The following SI variants were observed in gnomAD, a reference collection of about 807,000 sequenced individuals.
SI encodes the protein sucrase-isomaltase, intestinal.
Under a neutral mutation model 253.3 loss-of-function variants are expected in SI, and 235 were observed. The ratio of observed to expected loss-of-function variants is 0.93; its 90% CI spans 0.83 to 1.03. The LOEUF is 1.03. Among genes scored for constraint, SI ranks in the 50% least tolerant of loss-of-function variants. SI has a pLI of 0.00. For synonymous variants in SI, 819 were observed against 712.0 expected (o/e 1.15, Z -2.39); for missense variants, 2,442 against 2,211.1 (o/e 1.10, Z -2.09).
rs193236907 is a variant in SI at position 165,024,673 on chromosome 3, G to A, written c.2893-897C>T. 2.8e-3 allele frequency among the ~76,000 whole-genome samples: 417 copies of A among 151,066 alleles called. 3 individuals carry two copies. Among genetic ancestry groups the A allele is most frequent in the African/African-American group, 9.5e-3 (394 of 41,334 alleles). ...CCCTCAATTCTCCACCCTCTCTCTT[G>A]CATCAATAATATTTCATTCATTATG... On this transcript the variant is annotated intron_variant, in intron 25 of 47. Transcript: ENST00000264382.
intron 38 of SI, among the ~76,000 whole-genome samples, chr3:164,997,236 T>C (rs1286741104): frequency 6.6e-6 from 1 of 151,758 alleles, no homozygotes; most frequent in Non-Finnish European, 1.5e-5. Context: ...TAAAATACAA[T>C]GAATATGATT....
intron 12 of SI, among the ~76,000 whole-genome samples, chr3:165,056,430 A>G (rs1713698010): frequency 6.6e-6 from 1 of 152,142 alleles, no homozygotes; most frequent in African/African-American, 2.4e-5. Flanking sequence ...CAAAGAAAGT[A>G]CCTTCCTAAG....
chr3:164,982,491 A>G (rs1044511153), intron 46 of SI, 81 bp from the exon 47 acceptor site: 39 of 983,360 alleles, frequency 4.0e-5, no homozygotes, highest in Non-Finnish European at 5.9e-5. Flanking sequence ...CGGTTAACCA[A>G]AAATGTATTT....
At position 165,070,345 on chromosome 3, in the gene SI, C is replaced by CATATAT. The variant is rs72166578; in HGVS notation, c.256-1156_256-1151dup. 8.3e-4 allele frequency among the ~76,000 whole-genome samples: 116 copies of CATATAT among 139,480 alleles called. 1 individual carries two copies. Among genetic ancestry groups the CATATAT allele is most frequent in the African/African-American group, 3.0e-3 (112 of 37,680 alleles). The allele number at this position is 139,480 out of a possible 152,430, so 91.5% of individuals were successfully genotyped here. A position where few individuals can be genotyped will look rare whatever the true frequency, so the allele number is the denominator to read the frequency against. On this transcript the variant is annotated intron_variant, in intron 3 of 47. Coordinates refer to ENST00000264382, the MANE Select transcript of SI (RefSeq NM_001041.4). ...ATATATATAAAATCTCTCTAAACAC[C>CATATAT]ATATATATATATATATATATGTGTG...
rs1364922864 is a variant in SI, at chr3:165,023,700, T to C, written c.2969A>G (p.Tyr990Cys). The C allele has an allele frequency of 1.9e-6, 3 of 1,610,774 alleles. No homozygotes were observed. Among genetic ancestry groups the C allele is most frequent in the Non-Finnish European group, 2.5e-6 (3 of 1,177,798 alleles). ...GTCAGCTGTTATACCCATGGATGAA[T>C]AGCGAGCTGAGTTGACTGAATAAGA... ...DNSYSVNSAR[Y>C]SSMGITADLQ... The change falls in exon 26 of 48, where the codon TAT becomes TGT. Residue 990 changes from tyrosine (Y) to cysteine (C), a missense_variant. Coordinates refer to ENST00000264382, the MANE Select transcript of SI (RefSeq NM_001041.4).
chr3:165,064,722 T>C (rs924010286), intron 7 of SI, among the ~76,000 whole-genome samples: 6 of 152,090 alleles, frequency 3.9e-5, no homozygotes, highest in Admixed American at 6.6e-5. Flanking sequence ...GAAGTTCTTA[T>C]GAGATAAAAT....
intron 17 of SI, among the ~76,000 whole-genome samples, chr3:165,041,406 C>T (rs1712826472): frequency 6.6e-6 from 1 of 151,864 alleles, no homozygotes; most frequent in Admixed American, 6.6e-5. Context: ...TCCTTGTACC[C>T]ACAGCCTTTA....
chr3:165,024,315 A>G (rs1711787587), intron 25 of SI, among the ~76,000 whole-genome samples: 1 of 151,396 alleles, frequency 6.6e-6, no homozygotes, highest in Non-Finnish European at 1.5e-5. Context: ...GGTTTAACAT[A>G]GAAGTGAGAG....
intron 34 of SI, among the ~76,000 whole-genome samples, chr3:165,011,758 T>C (rs1264519474): frequency 6.7e-6 from 1 of 148,692 alleles, no homozygotes; most frequent in Non-Finnish European, 1.5e-5. Flanking sequence ...TCATTATTGT[T>C]ATTATTTATT....
chr3:165,003,265 T>C (rs1477966767), intron 37 of SI, among the ~76,000 whole-genome samples: 2 of 151,968 alleles, frequency 1.3e-5, no homozygotes, highest in Non-Finnish European at 2.9e-5. Flanking sequence ...TTAAGCTACA[T>C]ACTTTCAACT....
At chr3:165,001,415 A>G (rs1576877812) in intron 37 of SI, among the ~76,000 whole-genome samples, 1 of 151,668 alleles carries the variant, frequency 6.6e-6, no homozygotes, top group East Asian at 1.9e-4. Context: ...CATTTCAAAT[A>G]GTCACCATTA....
chr3:164,982,518 G>T (rs570560025), intron 46 of SI, 108 bp from the exon 47 acceptor site: 4 of 796,614 alleles, frequency 5.0e-6, no homozygotes, highest in African/African-American at 1.7e-5. Flanking sequence ...ATAATAAATT[G>T]TTTATTTGTG....
intron 15 of SI, among the ~76,000 whole-genome samples, chr3:165,047,966 T>G: frequency 6.6e-6 from 1 of 152,220 alleles, no homozygotes; most frequent in East Asian, 1.9e-4. Context: ...AACTACATTC[T>G]CAAGTGCTTT....
chr3:164,982,558 A>T lies in SI; in HGVS notation c.5248-148T>A, dbSNP rs1717242390. 9.0e-6 allele frequency: 6 copies of T among 663,584 alleles called. No individual in the cohort carries two copies. In the East Asian group the frequency reaches 1.7e-4, roughly 18 times the overall value. The allele number at this position is 663,584 out of a possible 1,614,324, so 41.1% of individuals were successfully genotyped here. On this transcript the variant is annotated intron_variant, in intron 46 of 47. Transcript: ENST00000264382. ...TGATATAAGGTATTTTACATAATAA[A>T]CATGAATAAAACTTCAAATTTTCTT... is the stretch of plus-strand genomic sequence containing the variant.
At chr3:165,068,244 G>T (rs1714361953) in intron 5 of SI, among the ~76,000 whole-genome samples, 1 of 151,960 alleles carries the variant, frequency 6.6e-6, no homozygotes, top group Non-Finnish European at 1.5e-5. Context: ...TTTTCTTCAA[G>T]GCATTAAGCT....
At position 165,036,504 on chromosome 3, in the gene SI, T is replaced by C. The variant is rs147718406; in HGVS notation, c.2427-27A>G. The C allele has an allele frequency of 8.7e-5, 130 of 1,487,372 alleles. No individual in the cohort carries two copies. The African/African-American group carries it at 1.7e-3, about 20-fold the overall frequency. The allele number at this position is 1,487,372 out of a possible 1,614,324, so 92.1% of individuals were successfully genotyped here. ...TGTTAAGAAAAATTAGGTGCATATA[T>C]GGTTAAAAATAAATCCATAATAATA... On this transcript the variant is annotated intron_variant, in intron 21 of 47. Transcript: ENST00000264382.
chr3:165,060,885 G>T (rs899098729), intron 9 of SI, among the ~76,000 whole-genome samples: 1 of 143,966 alleles, frequency 6.9e-6, no homozygotes, highest in Admixed American at 7.1e-5. Context: ...ATATATATAG[G>T]ATCCATGATT....
rs1360117024 is a variant in SI, at chr3:164,978,963, A to C, written c.*399T>G. ...CATACTAAGAAGTAATTAAATCTTC[A>C]AATAATTGTTGTTACATATCTTAAA... On this transcript the variant is annotated 3_prime_UTR_variant, in exon 48 of 48. Coordinates refer to ENST00000264382, the MANE Select transcript of SI (RefSeq NM_001041.4). The C allele has an allele frequency of 6.5e-6, 1 of 152,898 alleles. No homozygotes were observed. Among genetic ancestry groups the C allele is most frequent in the Non-Finnish European group, 1.5e-5 (1 of 68,580 alleles). 9.5% of individuals were successfully genotyped at this position (152,898 alleles called of 1,614,324 possible).
At chr3:164,989,462 G>GGA (rs1204642321) in intron 44 of SI, among the ~76,000 whole-genome samples, 1 of 124,882 alleles carries the variant, frequency 8.0e-6, no homozygotes, top group Non-Finnish European at 1.9e-5. Context: ...GGAGAGGAGA[G>GGA]GAGAAGAGAG....
Sources: gnomAD v4.1 joint callset for allele counts (sites outside exome capture counted in the v4.1 genomes callset) on GRCh38, gnomAD v4.1.1 for gene constraint, MANE v1.5 for transcripts, NCBI Gene and HGNC (gene_info 2026-07-23, HGNC 2026-07-21) for gene names.